Variants in NALCN observed in about 807,000 individuals in gnomAD.
NALCN encodes sodium leak channel, non-selective, also known as sodium leak channel NALCN.
NALCN carries 111 observed loss-of-function variants against 225.3 expected under a neutral mutation model. The ratio of observed to expected loss-of-function variants is 0.49; its 90% CI spans 0.42 to 0.58. NALCN has a LOEUF of 0.58. Among genes scored for constraint, NALCN ranks in the 20% least tolerant of loss-of-function variants. The pLI, the probability that NALCN is intolerant of heterozygous loss-of-function variation, is 0.00. For synonymous variants in NALCN, 764 were observed against 769.0 expected, an observed-to-expected ratio of 0.99 and a Z score of 0.11; for missense variants, 1,378 against 2,202.4, an observed-to-expected ratio of 0.63 and a Z score of 7.49.
At chr13:101,116,178 A>C (rs941723128) in intron 18 of NALCN, among the ~76,000 whole-genome samples, 4 of 151,958 alleles carry the variant, frequency 2.6e-5, no homozygotes, top group African/African-American at 4.8e-5. Flanking sequence ...GCAAACACAC[A>C]TTCCCAGTTG....
At chr13:101,252,315 T>C (rs549880470) in intron 11 of NALCN, among the ~76,000 whole-genome samples, 11 of 152,316 alleles carry the variant, frequency 7.2e-5, no homozygotes, top group African/African-American at 2.6e-4. Flanking sequence ...AAATTTTATA[T>C]CCATGTGAAA....
chr13:101,075,816 A>T, intron 35 of NALCN, 57 bp downstream of exon 35: 1 of 1,437,934 alleles, frequency 7.0e-7, no homozygotes, highest in Non-Finnish European at 9.5e-7. Context: ...ATTAATCACC[A>T]TTCTTTCATT....
intron 30 of NALCN, 35 bp from the exon 31 acceptor site, chr13:101,083,839 T>C (rs1405098854): frequency 6.3e-7 from 1 of 1,599,030 alleles, no homozygotes; most frequent in Non-Finnish European, 8.5e-7. Context: ...AAAGGCCTTT[T>C]GTCATGTGCT....
intron 14 of NALCN, among the ~76,000 whole-genome samples, chr13:101,176,885 C>T (rs1466113314): frequency 6.6e-6 from 1 of 152,210 alleles, no homozygotes; most frequent in African/African-American, 2.4e-5. Context: ...GTTCTAGACT[C>T]CTGGTTCATG....
chr13:101,142,450 A>T (rs1298988650), intron 17 of NALCN, among the ~76,000 whole-genome samples: 1 of 151,608 alleles, frequency 6.6e-6, no homozygotes, highest in Non-Finnish European at 1.5e-5. Flanking sequence ...CCCTTATATT[A>T]TTTTTTTTAA....
chr13:101,082,080 G>A (rs948104221), intron 33 of NALCN, among the ~76,000 whole-genome samples: 1 of 152,056 alleles, frequency 6.6e-6, no homozygotes, highest in Non-Finnish European at 1.5e-5. Flanking sequence ...GTTTCACCAC[G>A]TTGGCCAGGC....
At chr13:101,396,591 G>T (rs1013339235) in intron 2 of NALCN, among the ~76,000 whole-genome samples, 1 of 151,978 alleles carries the variant, frequency 6.6e-6, no homozygotes, top group African/African-American at 2.4e-5. Flanking sequence ...AAGATATTTT[G>T]CTGCTAATTC....
chr13:101,386,102 G>C (rs570410155), intron 3 of NALCN, among the ~76,000 whole-genome samples: 1 of 152,034 alleles, frequency 6.6e-6, no homozygotes, highest in African/African-American at 2.4e-5. Context: ...ATCCACTGTG[G>C]TTTGATTAGT....
chr13:101,059,888 G>C lies in NALCN; in HGVS notation c.4835C>G (p.Pro1612Arg), dbSNP rs376113480. The C allele has an allele frequency of 1.9e-6, 3 of 1,613,990 alleles. No individual in the cohort carries two copies. The highest frequency in any genetic ancestry group is 2.5e-6 in the Non-Finnish European group (3 of 1,179,984). Residue 1612 changes from proline (P) to arginine (R), a missense_variant, in exon 42 of 44, where the codon CCC becomes CGC. By Grantham distance (103) the Pro-to-Arg change is moderately radical. Transcript: ENST00000251127. Reference sequence around the variant, plus strand: ...ACTGGGCTGGGTGGTCTCGATGCTGGGCGGGTTCAGAAACCGGCTCAGCTC... The same window carrying C: ...ACTGGGCTGGGTGGTCTCGATGCTGCGCGGGTTCAGAAACCGGCTCAGCTC... ...QQELSRFLNPPSIETTQPSED... is the reference protein window; with the variant it reads ...QQELSRFLNPRSIETTQPSED...
At chr13:101,279,839 A>T (rs867506631) in intron 10 of NALCN, among the ~76,000 whole-genome samples, 7 of 85,586 alleles carry the variant, frequency 8.2e-5, no homozygotes, top group East Asian at 3.1e-4. Context: ...AATAAATAAA[A>T]TAAATAAATA....
intron 7 of NALCN, among the ~76,000 whole-genome samples, chr13:101,338,619 G>GT (rs1237667890): frequency 2.6e-5 from 4 of 152,042 alleles, no homozygotes; most frequent in African/African-American, 4.8e-5. Flanking sequence ...GTTCGATGGT[G>GT]TTTTTTTGCT....
intron 14 of NALCN, among the ~76,000 whole-genome samples, chr13:101,180,202 G>GTTTTTT (rs535999438): frequency 2.1e-4 from 23 of 110,808 alleles, no homozygotes; most frequent in South Asian, 3.1e-4. Context: ...TCTCCACCTG[G>GTTTTTT]TCTTTTTTTT....
At position 101,138,739 on chromosome 13, in the gene NALCN, A is replaced by G. The variant is rs1230888269; in HGVS notation, c.2118+4341T>C. 2.0e-5 allele frequency among the ~76,000 whole-genome samples: 3 copies of G among 152,220 alleles called. No individual in the cohort carries two copies. In the South Asian group the frequency reaches 6.2e-4, roughly 31 times the overall value. Reference sequence around the variant, plus strand: ...CTGGATGTCTCACTTCGGAGAACAGAGCGGGCTGCTTTTATTACAGGGTTA... The same window carrying G: ...CTGGATGTCTCACTTCGGAGAACAGGGCGGGCTGCTTTTATTACAGGGTTA... On this transcript the variant is annotated intron_variant, in intron 17 of 43. Coordinates refer to ENST00000251127, the MANE Select transcript of NALCN (RefSeq NM_052867.4).
intron 16 of NALCN, 73 bp from the exon 17 acceptor site, chr13:101,143,294 G>A: frequency 1.4e-6 from 2 of 1,444,142 alleles, no homozygotes; most frequent in Non-Finnish European, 1.9e-6. Context: ...TTGCAATGAT[G>A]AGTTTGCTTG....
intron 7 of NALCN, among the ~76,000 whole-genome samples, chr13:101,326,751 GTTCTGCAGAAGGCAA>G (rs2044966368): frequency 6.6e-6 from 1 of 152,210 alleles, no homozygotes; most frequent in Non-Finnish European, 1.5e-5. Context: ...TTGGCCCGTG[GTTCTGCAGAAGGCAA>G]TTTGGGCTAG....
intron 3 of NALCN, among the ~76,000 whole-genome samples, chr13:101,381,350 T>C (rs954768615): frequency 1.3e-5 from 2 of 152,182 alleles, no homozygotes; most frequent in Non-Finnish European, 2.9e-5. Flanking sequence ...GGATTTTTTA[T>C]AGTCATCTTC....
At chr13:101,267,170 C>T (rs901606863) in intron 10 of NALCN, among the ~76,000 whole-genome samples, 4 of 152,142 alleles carry the variant, frequency 2.6e-5, no homozygotes, top group East Asian at 3.9e-4. Context: ...TATCTCTAGG[C>T]CATGTGAGTA....
chr13:101,161,246 C>T (rs1055943102), intron 15 of NALCN, among the ~76,000 whole-genome samples: 1 of 152,204 alleles, frequency 6.6e-6, no homozygotes, highest in African/African-American at 2.4e-5. Context: ...CCATCCTTCT[C>T]CCCTGAACTC....
chr13:101,301,949 G>T (rs939407888), intron 7 of NALCN, among the ~76,000 whole-genome samples: 4 of 152,082 alleles, frequency 2.6e-5, no homozygotes, highest in Non-Finnish European at 5.9e-5. Flanking sequence ...CTTTTCAATT[G>T]TCCTAAAGAG....
Sources: allele counts gnomAD v4.1 joint callset (sites outside exome capture counted in the v4.1 genomes callset), GRCh38; gene constraint gnomAD v4.1.1; transcripts MANE v1.5; gene names NCBI Gene and HGNC (gene_info 2026-07-23, HGNC 2026-07-21).